The following KLK1 variants were observed in gnomAD, a reference collection of about 807,000 sequenced individuals.
The protein encoded by KLK1 is kallikrein 1.
KLK1 carries 22 observed loss-of-function variants against 23.3 expected under a neutral mutation model. The ratio of observed to expected loss-of-function variants is 0.95; its 90% CI spans 0.68 to 1.35. The LOEUF (loss-of-function observed/expected upper bound fraction) is 1.35. Among genes scored for constraint, KLK1 ranks in the 40% most tolerant of loss-of-function variants. The pLI, the probability that KLK1 is intolerant of heterozygous loss-of-function variation, is 0.00. For missense variants in KLK1, 301 were observed against 338.9 expected (o/e 0.89, Z 0.88); for synonymous variants, 140 against 135.8 (o/e 1.03, Z -0.21).
intron 2 of KLK1, 190 bp from the exon 3 acceptor site, chr19:50,820,633 G>A (rs917194192): frequency 1.9e-6 from 1 of 531,382 alleles, no homozygotes; most frequent in Admixed American, 3.5e-5. Context: ...GATTTTGAGA[G>A]TGCAAAAGGC....
intron 4 of KLK1, 28 bp downstream of exon 4, chr19:50,819,871 C>G (rs1395120291): frequency 3.1e-6 from 5 of 1,611,230 alleles, no homozygotes; most frequent in Non-Finnish European, 3.4e-6. Flanking sequence ...CTCAGCCCTT[C>G]CAGACCCTGG....
At chr19:50,823,352 G>A (rs2089839573) in intron 1 of KLK1, among the ~76,000 whole-genome samples, 1 of 152,100 alleles carries the variant, frequency 6.6e-6, no homozygotes, top group Admixed American at 6.5e-5. Flanking sequence ...GAAGCCCATG[G>A]GAGGGTTGGG....
chr19:50,822,980 G>A, intron 1 of KLK1: 3 of 909,292 alleles, frequency 3.3e-6, no homozygotes, highest in Non-Finnish European at 2.6e-6. Context: ...AGGCAGAGAA[G>A]GGCTGGGGCC....
intron 3 of KLK1, 21 bp from the exon 4 acceptor site, chr19:50,820,056 G>A (rs2089813331): frequency 6.2e-7 from 1 of 1,613,892 alleles, no homozygotes. Flanking sequence ...GGGAGAAAAA[G>A]GGCTGCAGCC....
chr19:50,821,699 G>A lies in KLK1; in HGVS notation c.206+13C>T, dbSNP rs1464694526. 6.3e-6 allele frequency: 10 copies of A among 1,591,192 alleles called. No individual in the cohort carries two copies. The highest frequency in any genetic ancestry group is 1.1e-5 in the South Asian group (1 of 87,566). ...ATAGATGCCCTCCTCCCAGACCCCA[G>A]GCCCCTACTCACTCGCTGATGCAAT... On this transcript the variant is annotated intron_variant, in intron 2 of 4. Transcript: ENST00000301420. This position sits in a 1 kb window ranked among gnomAD's most constrained non-coding sequence, Gnocchi z 5.6.
chr19:50,822,611 C>T (rs2089834795), intron 1 of KLK1: 2 of 985,300 alleles, frequency 2.0e-6, no homozygotes, highest in South Asian at 9.4e-5. Context: ...GGTTGGGGCC[C>T]TGAGAACACA....
chr19:50,820,095 T>C, intron 3 of KLK1, 59 bp downstream of exon 3: 1 of 1,608,098 alleles, frequency 6.2e-7, no homozygotes, highest in South Asian at 1.1e-5. Flanking sequence ...TGGCCCTTTC[T>C]CCCTTGGACG....
At position 50,820,433 on chromosome 19, in the gene KLK1, G is replaced by A; in HGVS notation, c.217C>T (p.Leu73Phe). 6.2e-7 allele frequency: 1 copy of A among 1,603,438 alleles called. No homozygotes were observed. The highest frequency in any genetic ancestry group is 8.5e-7 in the Non-Finnish European group (1 of 1,173,766). The change falls in exon 3 of 5, where the codon CTC becomes TTC. Residue 73 changes from leucine (L) to phenylalanine (F), a missense_variant. Physicochemically the swap from Leu to Phe is conservative, Grantham distance 22. Transcript: ENST00000301420. Reference protein sequence around the residue: ...AAHCISDNYQLWLGRHNLFDD... With the variant: ...AAHCISDNYQFWLGRHNLFDD... ...AACAAGTTGTGGCGACCCAGCCAGA[G>A]CTGGTAATTGCTGGGGAAAGATGGG...
At position 50,819,990 on chromosome 19, in the gene KLK1, G is replaced by C. The variant is rs202099575; in HGVS notation, c.542C>G (p.Pro181Arg). The change falls in exon 4 of 5, where the codon CCT becomes CGT. Residue 181 changes from proline (P) to arginine (R), a missense_variant. Pro to Arg is a moderately radical substitution (Grantham distance 103). Coordinates refer to ENST00000301420, the MANE Select transcript of KLK1 (RefSeq NM_002257.4). ...DLQCVDLKIL[P>R]NDECKKAHVQ... is the part of the protein sequence containing the mutation. ...GTGGGCTTTTTTGCACTCATCATTA[G>C]GCAGGATTTTGAGGTCCACACACTG... The C allele has an allele frequency of 1.2e-6, 2 of 1,614,182 alleles. No individual in the cohort carries two copies. Among genetic ancestry groups the C allele is most frequent in the African/African-American group, 2.7e-5 (2 of 75,036 alleles).
At position 50,821,066 on chromosome 19, in the gene KLK1, C is replaced by T. The variant is rs181351914; in HGVS notation, c.207-623G>A. On this transcript the variant is annotated intron_variant, in intron 2 of 4. Transcript: ENST00000301420. The surrounding 1 kb of genome is among the most constrained non-coding windows in gnomAD (Gnocchi z 5.6). Reference sequence around the variant, plus strand: ...GGTGGCCTGGCCTGAAGTCCAAGGTCGAGGCCCCCTTCCCTTCCCAGCACC... The same window carrying T: ...GGTGGCCTGGCCTGAAGTCCAAGGTTGAGGCCCCCTTCCCTTCCCAGCACC... 6.6e-6 allele frequency among the ~76,000 whole-genome samples: 1 copy of T among 152,104 alleles called. No homozygotes were observed. Among genetic ancestry groups the T allele is most frequent in the Non-Finnish European group, 1.5e-5 (1 of 67,994 alleles).
Position 50,821,438 on chromosome 19 carries a change from G to A in KLK1, c.206+274C>T, listed in dbSNP as rs2089827824. Among the ~76,000 whole-genome samples, 1 of 152,116 alleles carries A rather than the reference G, an allele frequency of 6.6e-6. No homozygotes were observed. The highest frequency in any genetic ancestry group is 1.5e-5 in the Non-Finnish European group (1 of 68,022). On this transcript the variant is annotated intron_variant, in intron 2 of 4. Coordinates refer to ENST00000301420, the MANE Select transcript of KLK1 (RefSeq NM_002257.4). This position sits in a 1 kb window ranked among gnomAD's most constrained non-coding sequence, Gnocchi z 5.6. ...CTCAGAGACAGACAGAGACAGGGGA[G>A]ATGCAGAGACAAGGAGACAGAGGAG...
chr19:50,823,664 A>C, intron 1 of KLK1, 39 bp downstream of exon 1: 1 of 1,382,286 alleles, frequency 7.2e-7, no homozygotes, highest in Non-Finnish European at 1.0e-6. Flanking sequence ...CAAGAGAATC[A>C]GGGCCCGTTC....
At chr19:50,823,069 G>T (rs778387353) in intron 1 of KLK1, 9 of 204,868 alleles carry the variant, frequency 4.4e-5, no homozygotes, top group Non-Finnish European at 6.9e-5. Context: ...AGCTGGGGGT[G>T]CTGGGTGGGA....
At chr19:50,822,190 G>A (rs1568480694) in intron 1 of KLK1, 3 of 1,077,526 alleles carry the variant, frequency 2.8e-6, no homozygotes, top group African/African-American at 1.6e-5. Flanking sequence ...TGGGGTCTGG[G>A]GCTGGGGGAT....
rs755116741 is a variant in KLK1, at chr19:50,821,799, G to A, written c.119C>T (p.Ala40Val). ...GAAAGTGCTGAAATGGTACAGAGCC[G>A]CCTGCCAGGGCTGGGAATGCTGCTC... ...ECEQHSQPWQ[A>V]ALYHFSTFQC... The change falls in exon 2 of 5, where the codon GCG becomes GTG. Residue 40 changes from alanine (A) to valine (V), a missense_variant. Ala to Val is a moderately conservative substitution (Grantham distance 64). Coordinates refer to ENST00000301420, the MANE Select transcript of KLK1 (RefSeq NM_002257.4). This position sits in a 1 kb window ranked among gnomAD's most constrained non-coding sequence, Gnocchi z 5.6. 3.3e-5 allele frequency: 53 copies of A among 1,613,904 alleles called. No individual in the cohort carries two copies. Among genetic ancestry groups the A allele is most frequent in the East Asian group, 6.7e-5 (3 of 44,868 alleles).
At position 50,821,934 on chromosome 19, in the gene KLK1, G is replaced by A; in HGVS notation, c.47-63C>T. On this transcript the variant is annotated intron_variant, in intron 1 of 4. Transcript: ENST00000301420. This position sits in a 1 kb window ranked among gnomAD's most constrained non-coding sequence, Gnocchi z 5.6. Reference sequence around the variant, plus strand: ...GCAGGAGAGGCCAGGGACAAGGCTAGGAGAGGGAGCTGGGCTGTGGGTCTG... The same window carrying A: ...GCAGGAGAGGCCAGGGACAAGGCTAAGAGAGGGAGCTGGGCTGTGGGTCTG... 6.4e-7 allele frequency: 1 copy of A among 1,552,916 alleles called. No homozygotes were observed. Among genetic ancestry groups the A allele is most frequent in the Admixed American group, 1.9e-5 (1 of 52,998 alleles).
At chr19:50,820,503 GGGGAGCA>G in intron 2 of KLK1, 60 bp from the exon 3 acceptor site, 1 of 922,050 alleles carries the variant, frequency 1.1e-6, no homozygotes, top group Non-Finnish European at 1.6e-6. Flanking sequence ...GGATGGGGCA[GGGGAGCA>G]TGGGGGAGGG....
chr19:50,823,223 G>A (rs529441315), intron 1 of KLK1, among the ~76,000 whole-genome samples: 1 of 152,098 alleles, frequency 6.6e-6, no homozygotes, highest in Non-Finnish European at 1.5e-5. Context: ...AGTTGAGAGC[G>A]GACAGCTGGA....
Position 50,823,727 on chromosome 19 carries a change from G to T in KLK1, c.22C>A (p.Leu8Ile). ...CCAGTCCCCCCCAGGGACAGGGCGA[G>T]GCACAGAACCAGGAACCACATGGTG... Reference protein sequence around the residue: MWFLVLCLALSLGGTGAA... With the variant: MWFLVLCIALSLGGTGAA... Residue 8 changes from leucine (L) to isoleucine (I), a missense_variant, in exon 1 of 5, where the codon CTC becomes ATC. Leu to Ile is a conservative substitution (Grantham distance 5). Coordinates refer to ENST00000301420, the MANE Select transcript of KLK1 (RefSeq NM_002257.4). The T allele has an allele frequency of 6.2e-7, 1 of 1,610,980 alleles. No homozygotes were observed. The highest frequency in any genetic ancestry group is 8.5e-7 in the Non-Finnish European group (1 of 1,177,760).
Sources: gnomAD v4.1 joint callset for allele counts (sites outside exome capture counted in the v4.1 genomes callset) on GRCh38, gnomAD v4.1.1 for gene constraint, Gnocchi (gnomAD v3.1) non-coding constraint, MANE v1.5 for transcripts, NCBI Gene and HGNC (gene_info 2026-07-23, HGNC 2026-07-21) for gene names.